The following B4GALT3 variants were observed in gnomAD, a reference collection of about 807,000 sequenced individuals.
B4GALT3 encodes the protein N-acetyllactosamine synthase.
B4GALT3 carries 29 observed loss-of-function variants against 40.7 expected under a neutral mutation model. The observed-to-expected ratio is 0.71, with a 90% CI of 0.53 to 0.97. B4GALT3 has a LOEUF of 0.97. Ranked by LOEUF, B4GALT3 falls within the 50% of genes least tolerant of loss-of-function variation. B4GALT3 has a pLI of 0.00. For missense variants in B4GALT3, 390 were observed against 522.3 expected (o/e 0.75, Z 2.47); for synonymous variants, 182 against 203.9 (o/e 0.89, Z 0.92).
At chr1:161,173,506 G>C in intron 6 of B4GALT3, 99 bp downstream of exon 6, 2 of 1,546,156 alleles carry the variant, frequency 1.3e-6, no homozygotes, top group Non-Finnish European at 1.8e-6. Context: ...CAGGACCAGG[G>C]AGCTAAAGGT....
Position 161,175,817 on chromosome 1 carries a change from G to A in B4GALT3, c.244C>T (p.Pro82Ser). 1 of 1,614,082 alleles carries A rather than the reference G, an allele frequency of 6.2e-7. No individual in the cohort carries two copies. The highest frequency in any genetic ancestry group is 1.1e-5 in the South Asian group (1 of 91,082). The stretch of plus-strand genomic sequence containing the variant: ...TTCCTCCTGCACTTACCTAAGAGAG[G>A]AGATCGTTCTGGACAGTAGGGCAGA... Reference protein sequence around the residue: ...QGLPYCPERSPLLVGPVSVSF... With the variant: ...QGLPYCPERSSLLVGPVSVSF... The change falls in exon 3 of 8, where the codon CCT (proline) becomes TCT (serine). Residue 82 changes from proline (P) to serine (S), a missense_variant. This residue lies in a region of B4GALT3 where 183 missense variants were observed against 223.2 expected (regional missense o/e 0.82). Coordinates refer to ENST00000319769, the MANE Select transcript of B4GALT3 (RefSeq NM_003779.4).
At chr1:161,174,694 T>A (rs1004236529) in intron 4 of B4GALT3, among the ~76,000 whole-genome samples, 1 of 152,220 alleles carries the variant, frequency 6.6e-6, no homozygotes, top group Non-Finnish European at 1.5e-5. Context: ...GAGTCATACA[T>A]GTAACAAGTG....
intron 1 of B4GALT3, chr1:161,176,933 G>A (rs1332950243): frequency 6.5e-7 from 1 of 1,536,200 alleles, no homozygotes; most frequent in South Asian, 1.2e-5. Context: ...TAGGAAACAG[G>A]CTCCTTCTAT....
At chr1:161,174,902 C>CT (rs1662910330) in intron 4 of B4GALT3, 91 bp downstream of exon 4, 1 of 1,370,334 alleles carries the variant, frequency 7.3e-7, no homozygotes, top group African/African-American at 1.5e-5. Context: ...TAAAATTATT[C>CT]TAGGGACCCA....
Position 161,171,896 on chromosome 1 carries a change from C to T in B4GALT3, c.1102G>A (p.Glu368Lys). ...PPGSSQAFRQ[E>K]MLQRRPPARP... is the part of the protein sequence containing the mutation. ...GCTGGGGGCCGGCGTTGCAGCATCT[C>T]TTGACGGAAGGCTTGGGAGGAACCA... Residue 368 changes from glutamate to lysine, a missense_variant, in exon 8 of 8, where the codon GAG (glutamate) becomes AAG (lysine). By Grantham distance (56) the Glu-to-Lys change is moderately conservative. This residue lies in a region of B4GALT3 where 72 missense variants were observed against 71.3 expected (regional missense o/e 1.01). Transcript: ENST00000319769. The T allele has an allele frequency of 1.9e-6, 3 of 1,614,200 alleles. No homozygotes were observed. Among genetic ancestry groups the T allele is most frequent in the Non-Finnish European group, 2.5e-6 (3 of 1,180,034 alleles).
intron 1 of B4GALT3, chr1:161,176,942 ATTC>A: frequency 6.5e-7 from 1 of 1,536,122 alleles, no homozygotes; most frequent in Non-Finnish European, 8.7e-7. Flanking sequence ...GGCTCCTTCT[ATTC>A]TTCATGTGCC....
intron 2 of B4GALT3, 34 bp downstream of exon 2, chr1:161,176,399 CT>C (rs1033583474): frequency 1.2e-5 from 5 of 422,184 alleles, no homozygotes; most frequent in African/African-American, 2.0e-5. Context: ...AGAGAACCCC[CT>C]CTTCCAATTT....
In B4GALT3 at chr1:161,171,968, T is replaced by C. The variant is rs1159812547; in HGVS notation, c.1030A>G (p.Thr344Ala). The C allele has an allele frequency of 2.5e-6, 4 of 1,613,988 alleles. No individual in the cohort carries two copies. The African/African-American group carries it at 5.3e-5, about 22-fold the overall frequency. Residue 344 changes from threonine to alanine, a missense_variant, in exon 8 of 8, where the codon ACT becomes GCT. Transcript: ENST00000319769. ...GGAGCCCGAGGACCCCGAGGGTCAG[T>C]CCCAATGTCTGCTGTGATGTTGGTA... ...LYTNITADIG[T>A]DPRGPRAPSG... is the part of the protein sequence containing the mutation.
At position 161,171,644 on chromosome 1, in the gene B4GALT3, G is replaced by C; in HGVS notation, c.*172C>G. On this transcript the variant is annotated 3_prime_UTR_variant, in exon 8 of 8. Transcript: ENST00000319769. ...AGACCCTAGAGAGAGGGACCCCTCA[G>C]GTCTACAGGAGCCCAGCTCCAGTCC... is the stretch of plus-strand genomic sequence containing the variant. The C allele has an allele frequency of 1.1e-6, 1 of 876,060 alleles. No individual in the cohort carries two copies. The highest frequency in any genetic ancestry group is 1.7e-5 in the South Asian group (1 of 57,332). The allele number at this position is 876,060 out of a possible 1,614,324, so 54.3% of individuals were successfully genotyped here.
At position 161,177,216 on chromosome 1, in the gene B4GALT3, T is replaced by C. The variant is rs1243941051; in HGVS notation, c.-161+207A>G. On this transcript the variant is annotated intron_variant, in intron 1 of 7. Transcript: ENST00000319769. The stretch of plus-strand genomic sequence containing the variant: ...TGTGGAGGGGGTTAAAACCCAGCTC[T>C]TTCGGAGCACGCCCATCCTATCCCA... 14 of 746,630 alleles carry C rather than the reference T, an allele frequency of 1.9e-5. No homozygotes were observed. The East Asian group carries it at 3.3e-4, about 17-fold the overall frequency. The allele number at this position is 746,630 out of a possible 1,614,324, so 46.3% of individuals were successfully genotyped here. A position where few individuals can be genotyped will look rare whatever the true frequency, so the allele number is the denominator to read the frequency against.
chr1:161,174,266 G>T (rs901707477), intron 4 of B4GALT3, among the ~76,000 whole-genome samples: 3 of 152,102 alleles, frequency 2.0e-5, no homozygotes, highest in African/African-American at 7.2e-5. Context: ...AATTAGCTGG[G>T]CATGGTGGTA....
At chr1:161,173,543 T>C in intron 6 of B4GALT3, 62 bp downstream of exon 6, 1 of 1,609,594 alleles carries the variant, frequency 6.2e-7, no homozygotes, top group Non-Finnish European at 8.5e-7. Context: ...TGGTCAAAGG[T>C]GGTCTTAGAG....
chr1:161,173,764 C>A lies in B4GALT3; in HGVS notation c.681-37G>T, dbSNP rs374580216. The A allele has an allele frequency of 3.7e-6, 6 of 1,613,268 alleles. No individual in the cohort carries two copies. The African/African-American group carries it at 4.0e-5, about 11-fold the overall frequency. On this transcript the variant is annotated intron_variant, in intron 5 of 7. Transcript: ENST00000319769. ...AAGATCCTTGCATACCCCGAGTCTT[C>A]TGGGGACACATCCCCAACCACAATC... is the stretch of plus-strand genomic sequence containing the variant.
chr1:161,171,323 C>A lies in B4GALT3; in HGVS notation c.*493G>T. On this transcript the variant is annotated 3_prime_UTR_variant, in exon 8 of 8. Transcript: ENST00000319769. Reference sequence around the variant, plus strand: ...AGCAGGAGCAGATGCGAGACAAAGTCCTTTATTAGAAAATATATCAAAATC... The same window carrying A: ...AGCAGGAGCAGATGCGAGACAAAGTACTTTATTAGAAAATATATCAAAATC... 1.5e-6 allele frequency: 2 copies of A among 1,327,890 alleles called. No homozygotes were observed. The highest frequency in any genetic ancestry group is 1.9e-5 in the Admixed American group (1 of 52,174). 82.3% of individuals were successfully genotyped at this position (1,327,890 alleles called of 1,614,324 possible). A position where few individuals can be genotyped will look rare whatever the true frequency, so the allele number is the denominator to read the frequency against.
chr1:161,177,198 G>A, intron 1 of B4GALT3: 2 of 925,824 alleles, frequency 2.2e-6, no homozygotes, highest in South Asian at 1.7e-5. Context: ...CGCTGTGGAG[G>A]GGGTTAAAAC....
At position 161,176,049 on chromosome 1, in the gene B4GALT3, C is replaced by T; in HGVS notation, c.12G>A (p.Arg4=). Residue 4 remains arginine (R), a synonymous_variant, in exon 3 of 8, where the codon AGG becomes AGA. Transcript: ENST00000319769. ...CCAGCGTGCAAGGCCGCTCCAGCAG[C>T]CTCCGCAACATCCTGGGGGTGAGAT... is the stretch of plus-strand genomic sequence containing the variant. MLR[R]LLERPCTLAL... 6.2e-7 allele frequency: 1 copy of T among 1,614,020 alleles called. No homozygotes were observed. The highest frequency in any genetic ancestry group is 8.5e-7 in the Non-Finnish European group (1 of 1,179,970).
chr1:161,177,161 A>T, intron 1 of B4GALT3: 1 of 1,313,454 alleles, frequency 7.6e-7, no homozygotes, highest in Non-Finnish European at 1.0e-6. Context: ...GGTGGCTGGA[A>T]GGGCTCACCT....
At chr1:161,172,491 G>A in intron 6 of B4GALT3, 160 bp from the exon 7 acceptor site, 1 of 649,570 alleles carries the variant, frequency 1.5e-6, no homozygotes. Context: ...AATGGCTGAA[G>A]AGAATATAAA....
chr1:161,175,058 G>T lies in B4GALT3; in HGVS notation c.424C>A (p.Leu142Ile), dbSNP rs1255130471. ...RAREHHLRLL[L>I]YHLHPFLQRQ... ...TGCAAGAAGGGGTGCAGGTGGTAGA[G>T]CAGCAGGCGCAGGTGGTGCTCCCGG... Residue 142 changes from leucine to isoleucine, a missense_variant, in exon 4 of 8, where the codon CTC (leucine) becomes ATC (isoleucine). Leu to Ile is a conservative substitution (Grantham distance 5). Transcript: ENST00000319769. 1.2e-6 allele frequency: 2 copies of T among 1,613,990 alleles called. No individual in the cohort carries two copies. The highest frequency in any genetic ancestry group is 2.7e-5 in the African/African-American group (2 of 74,926).
Sources: gnomAD v4.1 joint callset for allele counts (sites outside exome capture counted in the v4.1 genomes callset) on GRCh38, gnomAD v4.1.1 for gene constraint, gnomAD v4.1.1 regional missense constraint, MANE v1.5 for transcripts, NCBI Gene and HGNC (gene_info 2026-07-23, HGNC 2026-07-21) for gene names.